Variants in SAE1 observed in about 807,000 individuals in gnomAD.
SAE1 encodes the protein SUMO1 activating enzyme subunit 1.
SAE1 carries 11 observed loss-of-function variants against 40.6 expected under a neutral mutation model. That is an observed-to-expected ratio of 0.27 (90% CI 0.17 to 0.45). The LOEUF (loss-of-function observed/expected upper bound fraction) is 0.45. Among genes scored for constraint, SAE1 ranks in the 20% least tolerant of loss-of-function variants. The probability of loss-of-function intolerance (pLI) is 1.00; values close to 1 mark genes in which losing one functional copy is unlikely to be tolerated. For missense variants in SAE1, 373 were observed against 427.3 expected (o/e 0.87, Z 1.12); for synonymous variants, 155 against 154.3 (o/e 1.00, Z -0.03).
chr19:47,143,535 T>G lies in SAE1; in HGVS notation c.140T>G (p.Leu47Arg). Reference sequence around the variant, plus strand: ...GTGCTTCTTGTCGGCTTGAAAGGACTTGGGGCTGAAATTGCCAAGAATCTC... The same window carrying G: ...GTGCTTCTTGTCGGCTTGAAAGGACGTGGGGCTGAAATTGCCAAGAATCTC... The part of the protein sequence containing the change: ...SRVLLVGLKG[L>R]GAEIAKNLIL... Residue 47 changes from leucine (L) to arginine (R), a missense_variant, in exon 2 of 9, where the codon CTT becomes CGT. By Grantham distance (102) the Leu-to-Arg change is moderately radical. Coordinates refer to ENST00000270225, the MANE Select transcript of SAE1 (RefSeq NM_005500.3). 6.2e-7 allele frequency: 1 copy of G among 1,614,144 alleles called. No homozygotes were observed. Among genetic ancestry groups the G allele is most frequent in the Non-Finnish European group, 8.5e-7 (1 of 1,180,028 alleles).
chr19:47,196,044 C>A (rs1002521434), intron 6 of SAE1, among the ~76,000 whole-genome samples: 2 of 129,946 alleles, frequency 1.5e-5, no homozygotes, highest in African/African-American at 5.6e-5. Flanking sequence ...TCTTCCGGGT[C>A]TTTTTTTTTT....
At chr19:47,153,324 C>G (rs2058298880) in intron 4 of SAE1, among the ~76,000 whole-genome samples, 1 of 152,268 alleles carries the variant, frequency 6.6e-6, no homozygotes, top group South Asian at 2.1e-4. Context: ...CAACCAAAGT[C>G]TACCTTGGAA....
chr19:47,208,905 T>C (rs924611056), intron 8 of SAE1, among the ~76,000 whole-genome samples: 1 of 152,222 alleles, frequency 6.6e-6, no homozygotes, highest in African/African-American at 2.4e-5. Flanking sequence ...CAAATACATT[T>C]CTTAATCTCA....
intron 5 of SAE1, among the ~76,000 whole-genome samples, chr19:47,165,154 A>G (rs930845898): frequency 1.6e-5 from 2 of 122,798 alleles, no homozygotes; most frequent in African/African-American, 6.4e-5. Flanking sequence ...TTTGATTGTG[A>G]TCTCGGCTCA....
chr19:47,192,091 T>A (rs934572077), intron 6 of SAE1, among the ~76,000 whole-genome samples: 2 of 151,328 alleles, frequency 1.3e-5, no homozygotes, highest in African/African-American at 2.4e-5. Context: ...AAAGAAAATA[T>A]AGCTTTGGGA....
At chr19:47,199,696 G>C (rs553232811) in intron 7 of SAE1, among the ~76,000 whole-genome samples, 1 of 152,122 alleles carries the variant, frequency 6.6e-6, no homozygotes, top group African/African-American at 2.4e-5. Flanking sequence ...GCTTGCCACT[G>C]GCTGACTGGC....
At chr19:47,201,815 T>C (rs1193418176) in intron 7 of SAE1, among the ~76,000 whole-genome samples, 1 of 152,086 alleles carries the variant, frequency 6.6e-6, no homozygotes, top group Non-Finnish European at 1.5e-5. Context: ...TGTATTTTAG[T>C]AGAGACGGGG....
chr19:47,134,062 C>G (rs942313760), intron 1 of SAE1, among the ~76,000 whole-genome samples: 1 of 151,932 alleles, frequency 6.6e-6, no homozygotes, highest in African/African-American at 2.4e-5. Context: ...GGAGTTTCAC[C>G]GTGTTGGTCA....
chr19:47,202,526 T>C (rs1015424520), intron 7 of SAE1, among the ~76,000 whole-genome samples: 33 of 151,718 alleles, frequency 2.2e-4, no homozygotes, highest in Admixed American at 1.7e-3. Context: ...GACTTTGTGA[T>C]CCGCCCACCT....
At chr19:47,205,120 G>A (rs561205684) in intron 8 of SAE1, among the ~76,000 whole-genome samples, 16 of 152,212 alleles carry the variant, frequency 1.1e-4, no homozygotes, top group Middle Eastern at 6.8e-3. Context: ...GGCTGCCTTC[G>A]TGGACTCCGG....
intron 5 of SAE1, among the ~76,000 whole-genome samples, chr19:47,164,639 C>CTT (rs1166301382): frequency 0.043 from 3,353 of 78,388 alleles, 712 homozygotes; most frequent in East Asian, 0.11. Context: ...GAGAATTCAC[C>CTT]TTTTTTTTTT....
At chr19:47,168,090 C>T (rs547021544) in intron 5 of SAE1, among the ~76,000 whole-genome samples, 9 of 151,968 alleles carry the variant, frequency 5.9e-5, no homozygotes, top group Non-Finnish European at 8.8e-5. Context: ...CTACTGGGGG[C>T]GCTGAGGCAC....
intron 2 of SAE1, among the ~76,000 whole-genome samples, chr19:47,149,785 A>G (rs1386237708): frequency 6.6e-6 from 1 of 152,166 alleles, no homozygotes; most frequent in Admixed American, 6.6e-5. Context: ...AGGAACAGTA[A>G]TACATTTTAG....
intron 6 of SAE1, among the ~76,000 whole-genome samples, chr19:47,178,892 C>T (rs1360446318): frequency 6.6e-6 from 1 of 152,102 alleles, no homozygotes; most frequent in Non-Finnish European, 1.5e-5. Context: ...ACTGCATACC[C>T]TCAAAGTAAA....
intron 3 of SAE1, among the ~76,000 whole-genome samples, chr19:47,152,310 C>G (rs1414521492): frequency 6.6e-6 from 1 of 151,764 alleles, no homozygotes; most frequent in Non-Finnish European, 1.5e-5. Context: ...AGTTCATTGT[C>G]TAAGCCTGAA....
At chr19:47,148,654 G>T (rs1464293919) in intron 2 of SAE1, among the ~76,000 whole-genome samples, 2 of 145,016 alleles carry the variant, frequency 1.4e-5, no homozygotes, top group Non-Finnish European at 3.0e-5. Flanking sequence ...TCACTCTGTT[G>T]CCCAGGCTGG....
chr19:47,139,651 C>T (rs1462970329), intron 1 of SAE1, among the ~76,000 whole-genome samples: 2 of 146,922 alleles, frequency 1.4e-5, no homozygotes, highest in Non-Finnish European at 1.5e-5. Context: ...TGCAGTGGCG[C>T]GATCTCGGCT....
intron 4 of SAE1, 41 bp downstream of exon 4, chr19:47,153,081 C>T: frequency 2.7e-6 from 4 of 1,498,794 alleles, no homozygotes; most frequent in South Asian, 2.6e-5. Context: ...ACATTTTCTC[C>T]TTTTTATACT....
At chr19:47,159,717 G>A (rs2058346764) in intron 5 of SAE1, among the ~76,000 whole-genome samples, 1 of 151,932 alleles carries the variant, frequency 6.6e-6, no homozygotes, top group Non-Finnish European at 1.5e-5. Context: ...TTTCTGAGAT[G>A]GAGTCTTGCT....
Sources: allele counts gnomAD v4.1 joint callset (sites outside exome capture counted in the v4.1 genomes callset), GRCh38; gene constraint gnomAD v4.1.1; transcripts MANE v1.5; gene names NCBI Gene and HGNC (gene_info 2026-07-23, HGNC 2026-07-21).